RARB: variants seen among roughly 807,000 people sequenced by gnomAD.
RARB encodes the protein retinoic acid receptor beta.
Under a neutral mutation model 51.9 loss-of-function variants are expected in RARB, and 17 were observed. The ratio of observed to expected loss-of-function variants is 0.33; its 90% CI spans 0.22 to 0.49. The LOEUF (loss-of-function observed/expected upper bound fraction) is 0.49, where lower values mean the gene tolerates loss of function less well. Among genes scored for constraint, RARB ranks in the 20% least tolerant of loss-of-function variants. RARB has a pLI of 0.99. For missense variants in RARB, 369 were observed against 550.8 expected, an observed-to-expected ratio of 0.67 and a Z score of 3.30; for synonymous variants, 215 against 195.4, an observed-to-expected ratio of 1.10 and a Z score of -0.84.
At chr3:25,222,394 C>T (rs1003329404) in intron 5 of RARB, among the ~76,000 whole-genome samples, 32 of 152,176 alleles carry the variant, frequency 2.1e-4, no homozygotes, top group African/African-American at 7.2e-4. Context: ...TCTTCGGGTA[C>T]GTAACTGAGT....
chr3:25,176,538 G>A (rs1700757963), intron 5 of RARB, among the ~76,000 whole-genome samples: 1 of 151,300 alleles, frequency 6.6e-6, no homozygotes. Flanking sequence ...TGGGACTACA[G>A]GCACGCACCA....
intron 2 of RARB, among the ~76,000 whole-genome samples, chr3:24,953,115 C>T (rs1030426175): frequency 2.6e-5 from 4 of 152,012 alleles, no homozygotes; most frequent in African/African-American, 9.7e-5. Flanking sequence ...GGTTTGGGGG[C>T]ATATAGATGC....
intron 3 of RARB, among the ~76,000 whole-genome samples, chr3:25,101,560 C>T (rs915979292): frequency 1.8e-4 from 27 of 151,298 alleles, no homozygotes; most frequent in Middle Eastern, 3.2e-3. Flanking sequence ...AGATCTATAT[C>T]ATTTTTGTTA....
intron 2 of RARB, among the ~76,000 whole-genome samples, chr3:24,913,008 T>C (rs1168010824): frequency 4.2e-5 from 5 of 118,398 alleles, no homozygotes; most frequent in Non-Finnish European, 8.3e-5. Context: ...GGAGACAGAG[T>C]CTCGCTCTGT....
At chr3:25,311,409 A>T (rs1704285611) in intron 5 of RARB, among the ~76,000 whole-genome samples, 1 of 152,246 alleles carries the variant, frequency 6.6e-6, no homozygotes, top group Non-Finnish European at 1.5e-5. Flanking sequence ...GTACTAAAGG[A>T]TATCTTCATA....
At chr3:25,066,402 G>A (rs1268823192) in intron 3 of RARB, among the ~76,000 whole-genome samples, 1 of 152,082 alleles carries the variant, frequency 6.6e-6, no homozygotes, top group Non-Finnish European at 1.5e-5. Context: ...TTTAATATTT[G>A]AGAATCAGGA....
At chr3:25,318,847 C>T (rs1362946879) in intron 5 of RARB, among the ~76,000 whole-genome samples, 2 of 152,138 alleles carry the variant, frequency 1.3e-5, no homozygotes, top group Non-Finnish European at 2.9e-5. Context: ...TTGATTTTTT[C>T]AGCATTGTCA....
chr3:25,235,569 A>G (rs575012587), intron 5 of RARB, among the ~76,000 whole-genome samples: 3 of 152,300 alleles, frequency 2.0e-5, no homozygotes, highest in Non-Finnish European at 4.4e-5. Flanking sequence ...TGTGATAGTC[A>G]TCATGCCTTT....
intron 5 of RARB, among the ~76,000 whole-genome samples, chr3:25,241,769 C>T (rs1389309847): frequency 6.6e-6 from 1 of 151,802 alleles, no homozygotes; most frequent in Non-Finnish European, 1.5e-5. Flanking sequence ...AGTGCATGTG[C>T]ATACGTGTGC....
chr3:25,252,837 A>C (rs1187679051), intron 5 of RARB, among the ~76,000 whole-genome samples: 1 of 152,138 alleles, frequency 6.6e-6, no homozygotes, highest in Non-Finnish European at 1.5e-5. Context: ...AAAGCCCAAC[A>C]CACAAAGTGT....
intron 5 of RARB, among the ~76,000 whole-genome samples, chr3:25,212,779 T>A (rs953905319): frequency 6.6e-6 from 1 of 152,002 alleles, no homozygotes; most frequent in African/African-American, 2.4e-5. Flanking sequence ...ATGAAAAAAA[T>A]ATATTACAAA....
At chr3:25,196,670 A>G (rs1701247146) in intron 5 of RARB, among the ~76,000 whole-genome samples, 2 of 152,142 alleles carry the variant, frequency 1.3e-5, no homozygotes, top group South Asian at 4.1e-4. Flanking sequence ...TGGTTGAACT[A>G]GTTTACAGTC....
intron 5 of RARB, among the ~76,000 whole-genome samples, chr3:25,177,244 A>G (rs1344276240): frequency 6.6e-6 from 1 of 152,238 alleles, no homozygotes; most frequent in Non-Finnish European, 1.5e-5. Context: ...CCGTGTTTTC[A>G]AAAGTTCCTA....
chr3:24,962,662 A>G (rs916652217), intron 2 of RARB, among the ~76,000 whole-genome samples: 3 of 152,202 alleles, frequency 2.0e-5, no homozygotes, highest in African/African-American at 7.2e-5. Context: ...CATGAGCTGC[A>G]CATGGAAGGC....
chr3:25,585,823 G>T (rs530804075), intron 5 of RARB, among the ~76,000 whole-genome samples: 1 of 152,208 alleles, frequency 6.6e-6, no homozygotes, highest in Non-Finnish European at 1.5e-5. Context: ...TCAGAGAGGG[G>T]AAGTGACTTT....
chr3:25,312,858 C>T (rs1483829), intron 5 of RARB, among the ~76,000 whole-genome samples: 5,952 of 152,270 alleles, frequency 0.039, 160 homozygotes, highest in Middle Eastern at 0.061. Context: ...TGGTTCTCCT[C>T]AATCTCACCA....
intron 3 of RARB, among the ~76,000 whole-genome samples, chr3:25,563,557 A>G (rs941683957): frequency 2.0e-5 from 3 of 152,216 alleles, no homozygotes; most frequent in Non-Finnish European, 4.4e-5. Context: ...GGGACGTGCT[A>G]TGTTAAATGC....
intron 2 of RARB, among the ~76,000 whole-genome samples, chr3:24,992,712 C>G (rs372332337): frequency 8.5e-5 from 13 of 152,090 alleles, no homozygotes; most frequent in African/African-American, 2.2e-4. Flanking sequence ...TTCCCGTTTC[C>G]CTCTGTGTAT....
In RARB at chr3:24,908,663, G is replaced by GTTTTTT. The variant is rs59008287; in HGVS notation, c.-380+49931_-380+49936dup. 6.5e-3 allele frequency among the ~76,000 whole-genome samples: 606 copies of GTTTTTT among 93,412 alleles called. 85 individuals are homozygous for GTTTTTT. The highest frequency in any genetic ancestry group is 0.021 in the South Asian group (49 of 2,334). The allele number at this position is 93,412 out of a possible 152,430, so 61.3% of individuals were successfully genotyped here. On this transcript the variant is annotated intron_variant, in intron 2 of 11. Transcript: ENST00000383772. ...TGTAATTCTTGAGGTAACCACAACT[G>GTTTTTT]TTTTTTTTTTTTTTTTTTTTTTTTT...
Sources: gnomAD v4.1 joint callset for allele counts (sites outside exome capture counted in the v4.1 genomes callset) on GRCh38, gnomAD v4.1.1 for gene constraint, MANE v1.5 for transcripts, NCBI Gene and HGNC (gene_info 2026-07-23, HGNC 2026-07-21) for gene names.